Variants in SYNM observed in about 807,000 individuals in gnomAD.
The protein encoded by SYNM is desmuslin.
A neutral mutation model predicts 104.0 loss-of-function variants in SYNM; 95 were observed. The ratio of observed to expected loss-of-function variants is 0.91; its 90% CI spans 0.77 to 1.08. The LOEUF (loss-of-function observed/expected upper bound fraction) is 1.08, where lower values mean the gene tolerates loss of function less well. Among genes scored for constraint, SYNM ranks in the 50% least tolerant of loss-of-function variants. The pLI is 0.00. For synonymous variants in SYNM, 918 were observed against 869.0 expected, an observed-to-expected ratio of 1.06 and a Z score of -0.99; for missense variants, 2,150 against 2,052.2, an observed-to-expected ratio of 1.05 and a Z score of -0.92.
At chr15:99,111,886 A>G (rs2067302666) in intron 1 of SYNM, among the ~76,000 whole-genome samples, 1 of 152,198 alleles carries the variant, frequency 6.6e-6, no homozygotes, top group Non-Finnish European at 1.5e-5. Flanking sequence ...CTCTACTAAC[A>G]ATACAAAAAT....
At position 99,131,153 on chromosome 15, in the gene SYNM, C is replaced by T. The variant is rs200520113; in HGVS notation, c.2793C>T (p.His931=). The change falls in exon 4 of 4, where the codon CAC becomes CAT. Residue 931 remains histidine (H), a synonymous_variant. Transcript: ENST00000336292. The surrounding 1 kb of genome is among the most constrained non-coding windows in gnomAD (Gnocchi z 4.3). ...TVIEKEIKIP[H]EFHTSMKGIS... ...TTGAAAAAGAAATTAAAATACCCCACGAATTCCACACCTCCATGAAGGGCA... is the reference window on the plus strand; with the variant it reads ...TTGAAAAAGAAATTAAAATACCCCATGAATTCCACACCTCCATGAAGGGCA... 8 of 1,602,248 alleles carry T rather than the reference C, an allele frequency of 5.0e-6. No individual in the cohort carries two copies. Among genetic ancestry groups the T allele is most frequent in the East Asian group, 2.2e-5 (1 of 44,524 alleles).
intron 1 of SYNM, among the ~76,000 whole-genome samples, chr15:99,109,643 C>A (rs545406816): frequency 6.6e-6 from 1 of 152,186 alleles, no homozygotes; most frequent in Admixed American, 6.5e-5. Context: ...GGAAGTAGCT[C>A]CCAGGGTGTG....
intron 2 of SYNM, among the ~76,000 whole-genome samples, chr15:99,124,302 T>C (rs2067428149): frequency 1.3e-5 from 2 of 152,196 alleles, no homozygotes; most frequent in Non-Finnish European, 2.9e-5. Context: ...CTCAGAGTCT[T>C]GTTGATGCTT....
intron 2 of SYNM, among the ~76,000 whole-genome samples, chr15:99,124,199 G>A (rs1263916591): frequency 6.6e-6 from 1 of 152,248 alleles, no homozygotes; most frequent in African/African-American, 2.4e-5. Context: ...CAGCCTCAGA[G>A]AACATGCTAC....
intron 3 of SYNM, among the ~76,000 whole-genome samples, chr15:99,128,319 G>C (rs554632213): frequency 6.6e-6 from 1 of 151,308 alleles, no homozygotes; most frequent in Non-Finnish European, 1.5e-5. Flanking sequence ...AACCCAGTCT[G>C]TAATCTTCCA....
rs1555485089 is a variant in SYNM, at chr15:99,126,800, A to C, written c.1006+8A>C. On this transcript the variant is annotated splice_region_variant and intron_variant, in intron 3 of 3. Transcript: ENST00000336292. ...TTGAAAACATGCCGTCAGGTAAGTA[A>C]AAGCTAATGACTTGACTTAGCTTTA... The C allele has an allele frequency of 2.6e-6, 4 of 1,560,264 alleles. No homozygotes were observed. The highest frequency in any genetic ancestry group is 3.5e-6 in the Non-Finnish European group (4 of 1,151,608).
intron 2 of SYNM, among the ~76,000 whole-genome samples, chr15:99,120,825 G>A (rs556164093): frequency 2.0e-5 from 3 of 152,292 alleles, no homozygotes; most frequent in Admixed American, 2.0e-4. Flanking sequence ...AGACACAGAG[G>A]AGAGAGGGAG....
chr15:99,123,630 G>A (rs1038934986), intron 2 of SYNM, among the ~76,000 whole-genome samples: 3 of 152,230 alleles, frequency 2.0e-5, no homozygotes, highest in African/African-American at 7.2e-5. Flanking sequence ...CGAGGGAGGC[G>A]GCTCTGCGGC....
intron 1 of SYNM, among the ~76,000 whole-genome samples, chr15:99,107,062 C>G (rs570482221): frequency 1.3e-5 from 2 of 152,328 alleles, no homozygotes; most frequent in Admixed American, 1.3e-4. Context: ...CCTGGGTCCC[C>G]AGCACTGCCC....
chr15:99,138,169 G>A, downstream of SYNM: 2 of 1,606,518 alleles, frequency 1.2e-6, no homozygotes, highest in Non-Finnish European at 1.7e-6. Flanking sequence ...GTGCCCCTCA[G>A]CCCCCCACAC....
In SYNM at chr15:99,116,492, T is replaced by G. The variant is rs1001037302; in HGVS notation, c.935+2777T>G. The stretch of plus-strand genomic sequence containing the variant: ...TGAAGGAATAACTGAGACTGGATAA[T>G]TTGCAAAGAAAAGAGGTTTATTTTG... On this transcript the variant is annotated intron_variant, in intron 2 of 3. Coordinates refer to ENST00000336292, the MANE Select transcript of SYNM (RefSeq NM_145728.3). Among the ~76,000 whole-genome samples, 6 of 110,746 alleles carry G rather than the reference T, an allele frequency of 5.4e-5. 2 individuals are homozygous for G. Among genetic ancestry groups the G allele is most frequent in the Admixed American group, 3.9e-4 (4 of 10,164 alleles). The allele number at this position is 110,746 out of a possible 152,430, so 72.7% of individuals were successfully genotyped here.
At position 99,130,982 on chromosome 15, in the gene SYNM, A is replaced by G. The variant is rs1567284055; in HGVS notation, c.2622A>G (p.Arg874=). The change falls in exon 4 of 4, where the codon CGA becomes CGG. Residue 874 remains arginine (R), a synonymous_variant. Transcript: ENST00000336292. ...AGGATGAAATCGTGCAGGGGACTCG[A>G]AGGAGGACACAGAAGGACGGTGCAG... The part of the protein sequence containing the change: ...SWQDEIVQGT[R]RRTQKDGAVG... The G allele has an allele frequency of 1.2e-6, 2 of 1,613,600 alleles. No individual in the cohort carries two copies. Among genetic ancestry groups the G allele is most frequent in the Admixed American group, 1.7e-5 (1 of 59,986 alleles).
intron 1 of SYNM, among the ~76,000 whole-genome samples, chr15:99,109,522 G>C (rs1452182756): frequency 6.6e-6 from 1 of 152,134 alleles, no homozygotes; most frequent in African/African-American, 2.4e-5. Context: ...AAGGGTCAGT[G>C]CTCTGCAGCT....
intron 2 of SYNM, among the ~76,000 whole-genome samples, chr15:99,121,657 C>T (rs972603718): frequency 5.9e-5 from 9 of 152,190 alleles, no homozygotes; most frequent in African/African-American, 1.7e-4. Context: ...AGAGTGAGGA[C>T]GTGCAGAAGC....
rs1429768237 is a variant in SYNM at position 99,105,375 on chromosome 15, G to C, written c.176G>C (p.Arg59Pro). 1 of 1,521,928 alleles carries C rather than the reference G, an allele frequency of 6.6e-7. No homozygotes were observed. The highest frequency in any genetic ancestry group is 8.8e-7 in the Non-Finnish European group (1 of 1,140,144). The allele number at this position is 1,521,928 out of a possible 1,614,324, so 94.3% of individuals were successfully genotyped here. ...REGLWAEGQA[R>P]CAEEARSLRQ... The stretch of plus-strand genomic sequence containing the variant: ...GGCCTGTGGGCCGAGGGGCAGGCCC[G>C]CTGCGCCGAGGAGGCGCGCAGCTTG... The change falls in exon 1 of 4, where the codon CGC becomes CCC. Residue 59 changes from arginine to proline, a missense_variant. Coordinates refer to ENST00000336292, the MANE Select transcript of SYNM (RefSeq NM_145728.3).
At chr15:99,140,939 C>T in the SYNM span, 1 of 152,062 alleles carries the variant, frequency 6.6e-6, no homozygotes. Context: ...TAGAATAACA[C>T]TCAAAAGATA....
intron 3 of SYNM, among the ~76,000 whole-genome samples, chr15:99,128,346 T>A (rs1288713623): frequency 6.6e-6 from 1 of 152,242 alleles, no homozygotes; most frequent in Non-Finnish European, 1.5e-5. Context: ...TTGTTGAATC[T>A]TAACTGTAAA....
At chr15:99,116,410 GAAAAA>G (rs1555483963) in intron 2 of SYNM, among the ~76,000 whole-genome samples, 1 of 104,196 alleles carries the variant, frequency 9.6e-6, no homozygotes, top group Non-Finnish European at 2.3e-5. Flanking sequence ...CCCCAAGTCA[GAAAAA>G]GAATTTATTA....
intron 1 of SYNM, among the ~76,000 whole-genome samples, chr15:99,112,151 C>T (rs1343382325): frequency 2.0e-5 from 3 of 152,178 alleles, no homozygotes; most frequent in South Asian, 2.1e-4. Context: ...AGCATCTTGC[C>T]GGGTGCCTTT....
Sources: allele counts gnomAD v4.1 joint callset (sites outside exome capture counted in the v4.1 genomes callset), GRCh38; gene constraint gnomAD v4.1.1; non-coding constraint Gnocchi (gnomAD v3.1); transcripts MANE v1.5; gene names NCBI Gene and HGNC (gene_info 2026-07-23, HGNC 2026-07-21).